TONSL: variants seen among roughly 807,000 people sequenced by gnomAD.
TONSL encodes the protein tonsoku-like protein.
TONSL carries 112 observed loss-of-function variants against 147.1 expected under a neutral mutation model. The ratio of observed to expected loss-of-function variants is 0.76; its 90% CI spans 0.65 to 0.89. TONSL has a LOEUF of 0.89. Among genes scored for constraint, TONSL ranks in the 40% least tolerant of loss-of-function variants. The probability of loss-of-function intolerance (pLI) is 0.00; values close to 1 mark genes in which losing one functional copy is unlikely to be tolerated. For missense variants in TONSL, 1,883 were observed against 1,864.6 expected, an observed-to-expected ratio of 1.01 and a Z score of -0.18; for synonymous variants, 868 against 801.5, an observed-to-expected ratio of 1.08 and a Z score of -1.40.
chr8:144,435,693 G>C lies in TONSL; in HGVS notation c.2740C>G (p.Pro914Ala). 1.2e-6 allele frequency: 2 copies of C among 1,610,416 alleles called. No homozygotes were observed. The highest frequency in any genetic ancestry group is 1.7e-6 in the Non-Finnish European group (2 of 1,178,094). Residue 914 changes from proline to alanine, a missense_variant, in exon 17 of 26, where the codon CCC (proline) becomes GCC (alanine). By Grantham distance (27) the Pro-to-Ala change is conservative. Transcript: ENST00000409379. The part of the protein sequence containing the change: ...GSPSTPRVSE[P>A]SGDSSAAGQP... The stretch of plus-strand genomic sequence containing the variant: ...CCTGCCGCAGAGCTGTCCCCACTGG[G>C]CTCTGAGACCCTGGGGGTGCTGGGG...
rs1332331648 is a variant in TONSL at position 144,443,868 on chromosome 8, G to A, written c.264+14C>T. On this transcript the variant is annotated intron_variant, in intron 3 of 25. Coordinates refer to ENST00000409379, the MANE Select transcript of TONSL (RefSeq NM_013432.5). Reference sequence around the variant, plus strand: ...GCCGACCGGGCTGGACGAGGCCAGTGAGGGCGCCCGCACCTGCAAGGCAGC... The same window carrying A: ...GCCGACCGGGCTGGACGAGGCCAGTAAGGGCGCCCGCACCTGCAAGGCAGC... The A allele has an allele frequency of 1.3e-6, 2 of 1,544,040 alleles. No individual in the cohort carries two copies. Among genetic ancestry groups the A allele is most frequent in the African/African-American group, 1.4e-5 (1 of 73,162 alleles).
chr8:144,440,796 C>T lies in TONSL; in HGVS notation c.1086G>A (p.Leu362=). ...CCCCATGGTGGTCCTTCATGTCTCC[C>T]AGTGTGGTGGCCAGGGACACGTGGA... ...AIIHVSLATT[L]GDMKDHHGAV... The change falls in exon 9 of 26, where the codon CTG becomes CTA. Residue 362 remains leucine, a synonymous_variant. Transcript: ENST00000409379. The T allele has an allele frequency of 6.2e-7, 1 of 1,612,940 alleles. No homozygotes were observed. The highest frequency in any genetic ancestry group is 8.5e-7 in the Non-Finnish European group (1 of 1,179,982).
chr8:144,429,196 G>A lies in TONSL; in HGVS notation c.4084C>T (p.Pro1362Ser). 6.5e-7 allele frequency: 1 copy of A among 1,534,838 alleles called. No homozygotes were observed. ...LRQLQPSRPG[P>S]GECTLDHGSK... ...CCGTGGTCCAGCGTGCACTCGCCGG[G>A]GCCCGGCCGACTGGGCTGCAGCTGG... The change falls in exon 26 of 26, where the codon CCC becomes TCC. Residue 1362 changes from proline to serine, a missense_variant. Transcript: ENST00000409379.
chr8:144,436,994 A>T (rs2242270), intron 14 of TONSL, 33 bp downstream of exon 14: 78 of 1,612,216 alleles, frequency 4.8e-5, no homozygotes, highest in East Asian at 6.7e-5. Flanking sequence ...GTGTCCACCA[A>T]GGTGCGCCAG....
chr8:144,435,104 C>A lies in TONSL; in HGVS notation c.2919G>T (p.Gly973=). The A allele has an allele frequency of 6.2e-7, 1 of 1,600,214 alleles. No homozygotes were observed. Among genetic ancestry groups the A allele is most frequent in the Non-Finnish European group, 8.5e-7 (1 of 1,174,178 alleles). Residue 973 remains glycine, a synonymous_variant, in exon 19 of 26, where the codon GGG becomes GGT. Transcript: ENST00000409379. ...TCCGTAGGGTGAGCCTGGGCAGCAG[C>A]CCGCAGGTCTGGTAGTAGCGCTGGG... ...QAAQRYYQTC[G]LLPRLTLRKE... is the part of the protein sequence containing the mutation.
chr8:144,429,378 G>GGCGGCGTCCTGGTGCCC (rs1197432583), intron 25 of TONSL, 42 bp from the exon 26 acceptor site: 15 of 1,358,792 alleles, frequency 1.1e-5, no homozygotes, highest in African/African-American at 1.1e-4. Flanking sequence ...TGCGGGGGCC[G>GGCGGCGTCCTGGTGCCC]GCGGCGTCCT....
At chr8:144,436,451 G>T in intron 16 of TONSL, 33 bp from the exon 17 acceptor site, 1 of 1,533,956 alleles carries the variant, frequency 6.5e-7, no homozygotes. Flanking sequence ...TGAGGCAGGG[G>T]CCCGGCACCT....
intron 7 of TONSL, chr8:144,441,727 A>C: frequency 6.1e-6 from 2 of 326,418 alleles, no homozygotes; most frequent in Non-Finnish European, 5.7e-6. Flanking sequence ...CTGGGAGGCT[A>C]GGGGTACAAC....
rs192332354 is a variant in TONSL at position 144,441,804 on chromosome 8, C to T, written c.865+233G>A. On this transcript the variant is annotated intron_variant, in intron 7 of 25. Transcript: ENST00000409379. ...AAAAGCCCAGCTGGTCTCCTGGCCGCCCTTTCATTGCCCCTGACACACTGT... is the reference window on the plus strand; with the variant it reads ...AAAAGCCCAGCTGGTCTCCTGGCCGTCCTTTCATTGCCCCTGACACACTGT... 5.6e-3 allele frequency: 2,692 copies of T among 483,812 alleles called. 16 individuals are homozygous for T. The highest frequency in any genetic ancestry group is 8.1e-3 in the Non-Finnish European group (2,201 of 272,676). 30.0% of individuals were successfully genotyped at this position (483,812 alleles called of 1,614,324 possible).
At position 144,438,564 on chromosome 8, in the gene TONSL, T is replaced by C. The variant is rs200296277; in HGVS notation, c.1564-4A>G. The C allele has an allele frequency of 1.2e-5, 20 of 1,610,258 alleles. No homozygotes were observed. In the East Asian group the frequency reaches 4.5e-4, roughly 36 times the overall value. On this transcript the variant is annotated splice_region_variant and splice_polypyrimidine_tract_variant and intron_variant, in intron 12 of 25. Coordinates refer to ENST00000409379, the MANE Select transcript of TONSL (RefSeq NM_013432.5). ...CCATGTCGTTTCGCCGGTTCCACTG[T>C]GGGCACAGCCAACCCAGCACAGGGC...
intron 11 of TONSL, 67 bp from the exon 12 acceptor site, chr8:144,438,802 C>T: frequency 5.9e-6 from 9 of 1,512,788 alleles, no homozygotes; most frequent in South Asian, 5.9e-5. Flanking sequence ...CCCCACCCTG[C>T]TGCAAGCTCC....
intron 25 of TONSL, among the ~76,000 whole-genome samples, 195 bp from the exon 26 acceptor site, chr8:144,429,531 C>T (rs113622236): frequency 4.6e-4 from 70 of 152,362 alleles, no homozygotes; most frequent in Admixed American, 7.2e-4. Flanking sequence ...AGCGGTCAGA[C>T]AGGAGGAAGG....
chr8:144,436,625 C>T lies in TONSL; in HGVS notation c.1947G>A (p.Leu649=), dbSNP rs1200309145. The change falls in exon 16 of 26, where the codon CTG becomes CTA. Residue 649 remains leucine (L), a synonymous_variant. Transcript: ENST00000409379. ...QQWVKLYRRD[L]DLETRQKARA... ...TGGCCTTCTGCCGCGTCTCCAGGTC[C>T]AGGTCCCTGCGGTACAGCTTCACCC... is the stretch of plus-strand genomic sequence containing the variant. The T allele has an allele frequency of 6.2e-7, 1 of 1,612,172 alleles. No homozygotes were observed. Among genetic ancestry groups the T allele is most frequent in the Admixed American group, 1.7e-5 (1 of 60,028 alleles).
At position 144,432,183 on chromosome 8, in the gene TONSL, C is replaced by T. The variant is rs141592149; in HGVS notation, c.3735+102G>A. Reference sequence around the variant, plus strand: ...TAACTCTCTCTGTAGAGCCCCTCAGCGAGTTCAGCCCGAATCTGGGGAGAG... The same window carrying T: ...TAACTCTCTCTGTAGAGCCCCTCAGTGAGTTCAGCCCGAATCTGGGGAGAG... On this transcript the variant is annotated intron_variant, in intron 23 of 25. Coordinates refer to ENST00000409379, the MANE Select transcript of TONSL (RefSeq NM_013432.5). 545 of 1,298,022 alleles carry T rather than the reference C, an allele frequency of 4.2e-4. 5 individuals carry two copies. The South Asian group carries it at 4.6e-3, about 11-fold the overall frequency. 80.4% of individuals were successfully genotyped at this position (1,298,022 alleles called of 1,614,324 possible). A position where few individuals can be genotyped will look rare whatever the true frequency, so the allele number is the denominator to read the frequency against.
At chr8:144,430,138 T>C (rs1554878310) in intron 25 of TONSL, among the ~76,000 whole-genome samples, 1 of 152,198 alleles carries the variant, frequency 6.6e-6, no homozygotes. Flanking sequence ...GAACAGGGTC[T>C]TGCCTACCAT....
At chr8:144,431,832 CTT>C (rs35278312) in intron 23 of TONSL, among the ~76,000 whole-genome samples, 85 of 124,782 alleles carry the variant, frequency 6.8e-4, no homozygotes, top group Admixed American at 6.5e-4. Flanking sequence ...CTTTTTCTTT[CTT>C]TTTTTTTTTT....
intron 4 of TONSL, 23 bp from the exon 5 acceptor site, chr8:144,442,829 C>A: frequency 6.2e-7 from 1 of 1,601,684 alleles, no homozygotes; most frequent in Non-Finnish European, 8.5e-7. Flanking sequence ...CCCCCAAACA[C>A]TCAGCCACTT....
At chr8:144,431,241 A>G (rs1823175683) in intron 23 of TONSL, 90 bp from the exon 24 acceptor site, 5 of 1,233,068 alleles carry the variant, frequency 4.1e-6, no homozygotes, top group Non-Finnish European at 5.9e-6. Flanking sequence ...CCAGGGGCCC[A>G]GAAGGGAGCA....
intron 3 of TONSL, among the ~76,000 whole-genome samples, chr8:144,443,543 G>A (rs548614741): frequency 6.6e-6 from 1 of 150,822 alleles, no homozygotes; most frequent in South Asian, 2.1e-4. Flanking sequence ...CACGTGGGGA[G>A]GGGCAGCTGG....
Sources: allele counts gnomAD v4.1 joint callset (sites outside exome capture counted in the v4.1 genomes callset), GRCh38; gene constraint gnomAD v4.1.1; transcripts MANE v1.5; gene names NCBI Gene and HGNC (gene_info 2026-07-23, HGNC 2026-07-21).